NAV2: variants seen among roughly 807,000 people sequenced by gnomAD.
NAV2 encodes the protein helicase, APC down-regulated 1.
A neutral mutation model predicts 223.2 loss-of-function variants in NAV2; 54 were observed. That is an observed-to-expected ratio of 0.24 (90% confidence interval 0.19 to 0.30). NAV2 has a LOEUF of 0.30. Ranked by LOEUF, NAV2 falls within the 10% of genes least tolerant of loss-of-function variation. The pLI, the probability that NAV2 is intolerant of heterozygous loss-of-function variation, is 1.00. For synonymous variants in NAV2, 1,279 were observed against 1,239.3 expected, an observed-to-expected ratio of 1.03 and a Z score of -0.67; for missense variants, 2,806 against 3,147.5, an observed-to-expected ratio of 0.89 and a Z score of 2.60.
intron 1 of NAV2, among the ~76,000 whole-genome samples, chr11:19,689,309 T>C (rs974065719): frequency 6.6e-6 from 1 of 152,216 alleles, no homozygotes; most frequent in African/African-American, 2.4e-5. Flanking sequence ...CAAAATAATT[T>C]GCCAGCTCCA....
chr11:19,785,649 T>C (rs1176863727), intron 1 of NAV2, among the ~76,000 whole-genome samples: 1 of 148,880 alleles, frequency 6.7e-6, no homozygotes, highest in African/African-American at 2.4e-5. Context: ...TCAGCTGGCT[T>C]TTTTTTTTTT....
intron 1 of NAV2, among the ~76,000 whole-genome samples, chr11:19,691,033 T>A (rs1490239073): frequency 6.6e-6 from 1 of 152,224 alleles, no homozygotes; most frequent in African/African-American, 2.4e-5. Context: ...AACTTTTTTG[T>A]ACAAGTGAAT....
Position 19,603,137 on chromosome 11 carries a change from CT to C in NAV2, c.76-229345del, listed in dbSNP as rs2046391598. Among the ~76,000 whole-genome samples, 5 of 152,298 alleles carry C rather than the reference CT, an allele frequency of 3.3e-5. No homozygotes were observed. In the South Asian group the frequency reaches 8.3e-4, roughly 25 times the overall value. Reference sequence around the variant, plus strand: ...CTTCCATGTCACGTAGTAGCTTTGCCTTGTGGGCAGCAGGGAGGTCCACTGG... The same window carrying C: ...CTTCCATGTCACGTAGTAGCTTTGCCTGTGGGCAGCAGGGAGGTCCACTGG... On this transcript the variant is annotated intron_variant, in intron 1 of 37. Coordinates refer to the NAV2 transcript ENST00000360655.
chr11:19,804,550 C>T (rs2058442997), intron 1 of NAV2, among the ~76,000 whole-genome samples: 1 of 152,230 alleles, frequency 6.6e-6, no homozygotes, highest in Non-Finnish European at 1.5e-5. Context: ...GACATTCCAT[C>T]TCCTGGCTGT....
intron 1 of NAV2, among the ~76,000 whole-genome samples, chr11:19,465,326 C>A (rs1322431590): frequency 6.6e-6 from 1 of 152,214 alleles, no homozygotes; most frequent in Non-Finnish European, 1.5e-5. Flanking sequence ...GAGATGTTAT[C>A]ATTTCCATTC....
At chr11:19,809,791 G>GC (rs36072511) in intron 1 of NAV2, among the ~76,000 whole-genome samples, 74,143 of 152,030 alleles carry the variant, frequency 0.49, 21,279 homozygotes, top group Middle Eastern at 0.69. Flanking sequence ...CATCGCTATT[G>GC]CCCCCCAATT....
chr11:19,385,071 AC>A (rs1306526463), intron 1 of NAV2: 6 of 152,260 alleles, frequency 3.9e-5, no homozygotes, highest in African/African-American at 1.4e-4. Flanking sequence ...TATTAAACAC[AC>A]AAAAAGAAGT....
At chr11:19,771,979 G>A (rs1273852110) in intron 1 of NAV2, among the ~76,000 whole-genome samples, 4 of 152,162 alleles carry the variant, frequency 2.6e-5, no homozygotes, top group African/African-American at 9.7e-5. Flanking sequence ...TGGTGGAGGG[G>A]AGACGGCACC....
intron 1 of NAV2, among the ~76,000 whole-genome samples, chr11:19,576,104 G>A (rs2045563890): frequency 6.6e-6 from 1 of 152,146 alleles, no homozygotes; most frequent in African/African-American, 2.4e-5. Flanking sequence ...AGGCCTAAGT[G>A]CCCTTTGCAC....
At chr11:19,596,994 G>GC (rs1290747364) in intron 1 of NAV2, among the ~76,000 whole-genome samples, 1 of 152,170 alleles carries the variant, frequency 6.6e-6, no homozygotes. Flanking sequence ...CACCTAGCTG[G>GC]CCCCCCTGAC....
intron 19 of NAV2, among the ~76,000 whole-genome samples, chr11:20,056,924 A>G (rs910206424): frequency 9.9e-5 from 15 of 152,248 alleles, no homozygotes; most frequent in African/African-American, 3.4e-4. Flanking sequence ...ATGTTATTAC[A>G]TGTCATGGCC....
rs557249929 is a variant in NAV2, at chr11:19,587,270, G to A, written c.75+236243G>A. Reference sequence around the variant, plus strand: ...GGAGTGACCCAGTTTTCCAGGTGCTGCCTGTCACCCCTTTCTTTGACTAGG... The same window carrying A: ...GGAGTGACCCAGTTTTCCAGGTGCTACCTGTCACCCCTTTCTTTGACTAGG... On this transcript the variant is annotated intron_variant, in intron 1 of 37. Transcript: ENST00000360655. Among the ~76,000 whole-genome samples, 53 of 152,302 alleles carry A rather than the reference G, an allele frequency of 3.5e-4. 2 individuals carry two copies. Among genetic ancestry groups the A allele is most frequent in the African/African-American group, 1.3e-3 (52 of 41,566 alleles).
intron 1 of NAV2, among the ~76,000 whole-genome samples, chr11:19,460,435 C>T (rs1197958836): frequency 6.6e-6 from 1 of 152,156 alleles, no homozygotes; most frequent in Admixed American, 6.5e-5. Flanking sequence ...GCATGTTGCC[C>T]ACCTGGCACA....
intron 24 of NAV2, among the ~76,000 whole-genome samples, chr11:20,079,139 C>A (rs1201074671): frequency 6.6e-6 from 1 of 152,208 alleles, no homozygotes; most frequent in Non-Finnish European, 1.5e-5. Flanking sequence ...CTCCTGCGTT[C>A]AAGTGATTCT....
chr11:20,021,481 C>A (rs1377496013), intron 11 of NAV2, among the ~76,000 whole-genome samples: 1 of 152,166 alleles, frequency 6.6e-6, no homozygotes, highest in Non-Finnish European at 1.5e-5. Context: ...TCCATACACA[C>A]AATCACCATC....
intron 1 of NAV2, among the ~76,000 whole-genome samples, chr11:19,779,757 A>G (rs990381549): frequency 1.1e-4 from 16 of 152,224 alleles, no homozygotes; most frequent in African/African-American, 3.6e-4. Context: ...TTCAGTGGTA[A>G]ATGAGACATA....
At chr11:19,798,790 G>T (rs932202347) in intron 1 of NAV2, among the ~76,000 whole-genome samples, 2 of 152,174 alleles carry the variant, frequency 1.3e-5, no homozygotes, top group Non-Finnish European at 1.5e-5. Context: ...CCAAGTGGAT[G>T]GTGGAGATTT....
chr11:19,570,539 T>C (rs2045394821), intron 1 of NAV2, among the ~76,000 whole-genome samples: 1 of 152,216 alleles, frequency 6.6e-6, no homozygotes, highest in African/African-American at 2.4e-5. Context: ...ATATATCTGG[T>C]AAGTCTAGTA....
intron 1 of NAV2, among the ~76,000 whole-genome samples, chr11:19,374,382 T>G (rs895662076): frequency 1.3e-5 from 2 of 149,728 alleles, no homozygotes; most frequent in Non-Finnish European, 3.0e-5. Context: ...CACTGAAGGA[T>G]GATTTGTGAT....
Sources: gnomAD v4.1 joint callset for allele counts (sites outside exome capture counted in the v4.1 genomes callset) on GRCh38, gnomAD v4.1.1 for gene constraint, MANE v1.5 for transcripts, NCBI Gene and HGNC (gene_info 2026-07-23, HGNC 2026-07-21) for gene names.